Variants in FBXO25 observed in about 807,000 individuals in gnomAD.
FBXO25 encodes the protein F-box only protein 25.
FBXO25 carries 45 observed loss-of-function variants against 51.9 expected under a neutral mutation model. That is an observed-to-expected ratio of 0.87 (90% CI 0.68 to 1.11). The LOEUF (loss-of-function observed/expected upper bound fraction) is 1.11. FBXO25 is among the 50% of genes most tolerant of loss of function. The pLI is 0.00. For missense variants in FBXO25, 507 were observed against 428.5 expected (o/e 1.18, Z -1.62); for synonymous variants, 199 against 151.0 (o/e 1.32, Z -2.33).
At chr8:418,360 G>C (rs1036010278) in intron 2 of FBXO25, among the ~76,000 whole-genome samples, 2 of 56,290 alleles carry the variant, frequency 3.6e-5, no homozygotes, top group Admixed American at 2.4e-4. Flanking sequence ...TTTTTTTTGA[G>C]ATGGAGTCTT....
At chr8:420,734 A>G (rs117618449) in intron 2 of FBXO25, among the ~76,000 whole-genome samples, 9,660 of 152,310 alleles carry the variant, frequency 0.063, 328 homozygotes, top group Middle Eastern at 0.085. Context: ...AAAAAGCACA[A>G]CCATAAGGAA....
At chr8:443,227 C>T (rs549350484) in intron 5 of FBXO25, among the ~76,000 whole-genome samples, 80 of 151,170 alleles carry the variant, frequency 5.3e-4, no homozygotes, top group African/African-American at 1.7e-3. Context: ...CCTCATTATA[C>T]GGCATGCCAA....
intron 1 of FBXO25, among the ~76,000 whole-genome samples, chr8:410,209 C>T (rs1022743734): frequency 2.0e-5 from 3 of 152,178 alleles, no homozygotes; most frequent in African/African-American, 7.2e-5. Context: ...TGTATACATG[C>T]ACACTCACAT....
rs1002227811 is a variant in FBXO25 at position 471,278 on chromosome 8, T to C, written c.*2474T>C. The C allele has an allele frequency of 1.3e-5, 2 of 152,040 alleles. No homozygotes were observed. Among genetic ancestry groups the C allele is most frequent in the East Asian group, 1.9e-4 (1 of 5,174 alleles). 9.4% of individuals were successfully genotyped at this position (152,040 alleles called of 1,614,324 possible). A position where few individuals can be genotyped will look rare whatever the true frequency, so the allele number is the denominator to read the frequency against. On this transcript the variant is annotated 3_prime_UTR_variant, in exon 10 of 10. Coordinates refer to ENST00000350302, the MANE Select transcript of FBXO25 (RefSeq NM_183420.2). Reference sequence around the variant, plus strand: ...GATGGCTTACATTGCTGGGGAGAGATTGAAAGGTTAATGGAGGGTATAAGG... The same window carrying C: ...GATGGCTTACATTGCTGGGGAGAGACTGAAAGGTTAATGGAGGGTATAAGG...
chr8:463,613 T>A (rs1173553547), intron 9 of FBXO25, among the ~76,000 whole-genome samples: 1 of 152,214 alleles, frequency 6.6e-6, no homozygotes, highest in Non-Finnish European at 1.5e-5. Flanking sequence ...GCCACATTCT[T>A]AGAAAAAAAG....
chr8:419,576 G>A (rs1370025783), intron 2 of FBXO25, among the ~76,000 whole-genome samples: 5 of 152,084 alleles, frequency 3.3e-5, no homozygotes, highest in Non-Finnish European at 5.9e-5. Flanking sequence ...GTGTAATCTT[G>A]TCAGCAAATG....
chr8:458,386 C>T lies in FBXO25; in HGVS notation c.678C>T (p.Leu226=), dbSNP rs1468686455. 3 of 1,613,722 alleles carry T rather than the reference C, an allele frequency of 1.9e-6. No homozygotes were observed. Among genetic ancestry groups the T allele is most frequent in the East Asian group, 2.2e-5 (1 of 44,870 alleles). ...CCTTTCAGCAAGTGAACAATGGCCT[C>T]ACCCTCAGTGACCTTCCTCTGCACA... ...LQMTKQVNNG[L]TLSDLPLHML... is the part of the protein sequence containing the mutation. The change falls in exon 8 of 10, where the codon CTC becomes CTT. Residue 226 remains leucine, a synonymous_variant. Coordinates refer to ENST00000350302, the MANE Select transcript of FBXO25 (RefSeq NM_183420.2).
intron 2 of FBXO25, among the ~76,000 whole-genome samples, chr8:427,533 T>G (rs1447108114): frequency 2.6e-5 from 4 of 151,160 alleles, no homozygotes; most frequent in Non-Finnish European, 5.9e-5. Context: ...ATTCATTTTC[T>G]GGGATTCCAT....
At chr8:427,214 G>A (rs1206707049) in intron 2 of FBXO25, among the ~76,000 whole-genome samples, 9 of 152,172 alleles carry the variant, frequency 5.9e-5, no homozygotes, top group Non-Finnish European at 1.5e-5. Context: ...TTCCGGGGAG[G>A]AGCTGACCAA....
chr8:456,510 T>C (rs1296622730), intron 7 of FBXO25, among the ~76,000 whole-genome samples: 1 of 152,196 alleles, frequency 6.6e-6, no homozygotes, highest in African/African-American at 2.4e-5. Flanking sequence ...TGCTGGCTGC[T>C]GGGGAAGTGA....
At chr8:414,450 T>C (rs972918507) in intron 2 of FBXO25, among the ~76,000 whole-genome samples, 39 of 152,334 alleles carry the variant, frequency 2.6e-4, no homozygotes, top group African/African-American at 8.4e-4. Flanking sequence ...TGGGGAGATA[T>C]ATTACAGAAT....
intron 5 of FBXO25, among the ~76,000 whole-genome samples, chr8:438,540 C>T (rs183151749): frequency 1.8e-3 from 278 of 152,302 alleles, no homozygotes; most frequent in African/African-American, 6.3e-3. Context: ...ATGGAAGTTT[C>T]GTTTTTACTC....
chr8:419,378 A>G (rs1797016053), intron 2 of FBXO25, among the ~76,000 whole-genome samples: 1 of 152,186 alleles, frequency 6.6e-6, no homozygotes, highest in African/African-American at 2.4e-5. Context: ...TCAAAAAGAA[A>G]AAAGAACAAG....
intron 9 of FBXO25, among the ~76,000 whole-genome samples, chr8:466,346 A>C (rs1800160093): frequency 6.6e-6 from 1 of 152,052 alleles, no homozygotes; most frequent in Non-Finnish European, 1.5e-5. Context: ...TGCCCCTCCT[A>C]GGGTCTTGGT....
chr8:409,475 A>G (rs1446463630), intron 1 of FBXO25, among the ~76,000 whole-genome samples: 5 of 152,208 alleles, frequency 3.3e-5, no homozygotes, highest in Admixed American at 3.3e-4. Flanking sequence ...AGTTGCCAAA[A>G]TGAATTATCT....
At chr8:442,627 G>A (rs1353700110) in intron 5 of FBXO25, among the ~76,000 whole-genome samples, 5 of 151,844 alleles carry the variant, frequency 3.3e-5, no homozygotes, top group Non-Finnish European at 7.4e-5. Context: ...CTGCCACCAC[G>A]CCTGGCTAAT....
At position 451,302 on chromosome 8, in the gene FBXO25, A is replaced by G. The variant is rs201151069; in HGVS notation, c.509A>G (p.Lys170Arg). 9 of 1,610,704 alleles carry G rather than the reference A, an allele frequency of 5.6e-6. No homozygotes were observed. Among genetic ancestry groups the G allele is most frequent in the Non-Finnish European group, 7.6e-6 (9 of 1,179,182 alleles). ...LDDHHNPRLI[K>R]DLLQDLSSTL... ...GACCACCACAATCCTCGCTTAATCA[A>G]AGATCTTCTGCAAGACCTAAGCTCT... The change falls in exon 7 of 10, where the codon AAA becomes AGA. Residue 170 changes from lysine to arginine, a missense_variant. Lys to Arg is a conservative substitution (Grantham distance 26). Transcript: ENST00000350302.
At chr8:451,157 C>G in intron 6 of FBXO25, 112 bp from the exon 7 acceptor site, 2 of 812,804 alleles carry the variant, frequency 2.5e-6, no homozygotes, top group Middle Eastern at 3.1e-4. Flanking sequence ...GTATAGATCA[C>G]ACGTTGTTTG....
At chr8:446,076 T>G (rs1365950932) in intron 5 of FBXO25, among the ~76,000 whole-genome samples, 2 of 152,118 alleles carry the variant, frequency 1.3e-5, no homozygotes, top group Non-Finnish European at 2.9e-5. Flanking sequence ...TCATCTCTCC[T>G]GAGTTCAGTC....
Sources: gnomAD v4.1 joint callset for allele counts (sites outside exome capture counted in the v4.1 genomes callset) on GRCh38, gnomAD v4.1.1 for gene constraint, MANE v1.5 for transcripts, NCBI Gene and HGNC (gene_info 2026-07-23, HGNC 2026-07-21) for gene names.